Variants in STRA6 observed in about 807,000 individuals in gnomAD.
STRA6 encodes signaling receptor and transporter of retinol STRA6.
STRA6 carries 48 observed loss-of-function variants against 83.6 expected under a neutral mutation model. The observed-to-expected ratio is 0.57, with a 90% CI of 0.46 to 0.73. The LOEUF is 0.73. Among genes scored for constraint, STRA6 ranks in the 30% least tolerant of loss-of-function variants. STRA6 has a pLI of 0.00. For synonymous variants in STRA6, 353 were observed against 362.3 expected, an observed-to-expected ratio of 0.97 and a Z score of 0.29; for missense variants, 760 against 838.8, an observed-to-expected ratio of 0.91 and a Z score of 1.16.
chr15:74,182,601 C>A, intron 14 of STRA6, 141 bp from the exon 15 acceptor site: 1 of 672,712 alleles, frequency 1.5e-6, no homozygotes, highest in Admixed American at 2.4e-5. Flanking sequence ...AGCTATGCTG[C>A]CTTGAACAAA....
upstream of STRA6, among the ~76,000 whole-genome samples, chr15:74,205,189 A>G (rs2074232764): frequency 6.6e-6 from 1 of 152,126 alleles, no homozygotes; most frequent in Non-Finnish European, 1.5e-5. Flanking sequence ...TGTGTTGCTG[A>G]TACCAGAGGG....
In STRA6 at chr15:74,195,485, G is replaced by A; in HGVS notation, c.431-17C>T. The A allele has an allele frequency of 6.2e-7, 1 of 1,611,982 alleles. No individual in the cohort carries two copies. Among genetic ancestry groups the A allele is most frequent in the Non-Finnish European group, 8.5e-7 (1 of 1,179,466 alleles). Reference sequence around the variant, plus strand: ...TCCAGGCCCCTGGAAGGTGAAACAAGCAGAGAGACCCATGCTGGAGGGGCA... The same window carrying A: ...TCCAGGCCCCTGGAAGGTGAAACAAACAGAGAGACCCATGCTGGAGGGGCA... On this transcript the variant is annotated splice_polypyrimidine_tract_variant and intron_variant, in intron 6 of 18. Coordinates refer to ENST00000395105, the MANE Select transcript of STRA6 (RefSeq NM_022369.4).
chr15:74,209,020 G>A (rs145736791), exon 1 of STRA6: 257 of 1,105,044 alleles, frequency 2.3e-4, no homozygotes, highest in Non-Finnish European at 2.7e-4. Context: ...GCTTTAAAAG[G>A]TGTTTGATCT....
upstream of STRA6, among the ~76,000 whole-genome samples, chr15:74,206,757 G>A (rs2074270052): frequency 6.6e-6 from 1 of 152,242 alleles, no homozygotes; most frequent in Admixed American, 6.5e-5. Context: ...GAATTGACAC[G>A]TGTCTCAGGA....
intron 2 of STRA6, among the ~76,000 whole-genome samples, chr15:74,199,425 G>A (rs1289820162): frequency 8.5e-6 from 1 of 117,728 alleles, no homozygotes; most frequent in Non-Finnish European, 2.2e-5. Flanking sequence ...TCCAGTGTCA[G>A]CTCCCCACCT....
rs377511262 is a variant in STRA6, at chr15:74,180,945, G to T, written c.1685-8C>A. On this transcript the variant is annotated splice_polypyrimidine_tract_variant and splice_region_variant and intron_variant, in intron 17 of 18. Coordinates refer to ENST00000395105, the MANE Select transcript of STRA6 (RefSeq NM_022369.4). ...TTCGGTACGTGTAGTAGCCTGGGGT[G>T]GGGTGGCGGATGGCAATGCTGGGGG... 2.5e-6 allele frequency: 4 copies of T among 1,613,414 alleles called. No homozygotes were observed. The South Asian group carries it at 3.3e-5, about 13-fold the overall frequency.
In STRA6 at chr15:74,180,813, C is replaced by G. The variant is rs1251850348; in HGVS notation, c.1809G>C (p.Gln603His). The change falls in exon 18 of 19, where the codon CAG becomes CAC. Residue 603 changes from glutamine (Q) to histidine (H), a missense_variant. Coordinates refer to ENST00000395105, the MANE Select transcript of STRA6 (RefSeq NM_022369.4). ...CTTCCTCCCCTGGTCTGAGGCTGTC[C>G]TGGGGGGCTGCCATGGTCCTGGGTA... ...SLLPRTMAAP[Q>H]DSLRPGEEDE... The G allele has an allele frequency of 3.7e-6, 6 of 1,613,384 alleles. No individual in the cohort carries two copies. Among genetic ancestry groups the G allele is most frequent in the Non-Finnish European group, 4.2e-6 (5 of 1,179,460 alleles).
chr15:74,198,001 C>T, intron 2 of STRA6, 183 bp from the exon 3 acceptor site: 1 of 671,720 alleles, frequency 1.5e-6, no homozygotes, highest in Non-Finnish European at 2.7e-6. Context: ...CCTCGTGTCC[C>T]TGTGATGTGC....
At chr15:74,201,069 A>G (rs1032922300) in intron 2 of STRA6, among the ~76,000 whole-genome samples, 16 of 152,204 alleles carry the variant, frequency 1.1e-4, no homozygotes, top group African/African-American at 3.9e-4. Flanking sequence ...TCAGTCAGGC[A>G]AGATGAGTGG....
chr15:74,197,346 G>A lies in STRA6; in HGVS notation c.258C>T (p.Gly86=), dbSNP rs779286611. 6.5e-7 allele frequency: 1 copy of A among 1,550,028 alleles called. No individual in the cohort carries two copies. The highest frequency in any genetic ancestry group is 8.7e-7 in the Non-Finnish European group (1 of 1,146,630). ...LWPDCVRGRP[G]LPSPVDFLAG... ...CAGGCCATGGTACAAACCTGGGCAG[G>A]CCGGGCCTGCCACGCACACAGTCAG... Residue 86 remains glycine, a synonymous_variant, in exon 4 of 19, where the codon GGC becomes GGT. Coordinates refer to ENST00000395105, the MANE Select transcript of STRA6 (RefSeq NM_022369.4).
chr15:74,181,012 ACACACAGGGAGTGCACGTG>A (rs2072953274), intron 17 of STRA6, 75 bp from the exon 18 acceptor site: 2 of 1,588,602 alleles, frequency 1.3e-6, no homozygotes, highest in Admixed American at 1.7e-5. Context: ...CCCCTAACAC[ACACACAGGGAGTGCACGTG>A]CACTCCCTGC....
chr15:74,211,494 G>T (rs902242774), upstream of STRA6, among the ~76,000 whole-genome samples: 2 of 149,416 alleles, frequency 1.3e-5, no homozygotes, highest in African/African-American at 4.9e-5. Flanking sequence ...TCCGCCTCCT[G>T]GGTTCAAGCG....
chr15:74,199,738 G>T (rs1439447916), intron 2 of STRA6, among the ~76,000 whole-genome samples: 1 of 152,160 alleles, frequency 6.6e-6, no homozygotes, highest in Non-Finnish European at 1.5e-5. Flanking sequence ...GCATAGAAAT[G>T]AGCAAATATT....
rs2142060953 is a variant in STRA6 at position 74,197,441 on chromosome 15, A to T, written c.181-18T>A. ...ACAAGGATCTGAAAGGAGAGTGCAG[A>T]GGAGGGCTTGGGGTGCCCAGGCCTC... On this transcript the variant is annotated intron_variant, in intron 3 of 18. Coordinates refer to ENST00000395105, the MANE Select transcript of STRA6 (RefSeq NM_022369.4). 3.2e-6 allele frequency: 5 copies of T among 1,548,504 alleles called. No individual in the cohort carries two copies. Among genetic ancestry groups the T allele is most frequent in the Non-Finnish European group, 4.4e-6 (5 of 1,145,286 alleles).
chr15:74,195,106 C>T (rs183050657), intron 7 of STRA6, 196 bp downstream of exon 7: 6 of 1,478,552 alleles, frequency 4.1e-6, no homozygotes, highest in Non-Finnish European at 5.4e-6. Flanking sequence ...GGGCTGGGCC[C>T]AGCCACCTTG....
intron 6 of STRA6, 72 bp from the exon 7 acceptor site, chr15:74,195,540 G>T (rs2073771590): frequency 6.3e-7 from 1 of 1,588,126 alleles, no homozygotes; most frequent in African/African-American, 1.3e-5. Flanking sequence ...GCCCACCCAG[G>T]CCTCTCTTCG....
chr15:74,194,202 C>G (rs1045758672), intron 7 of STRA6, among the ~76,000 whole-genome samples: 1 of 152,200 alleles, frequency 6.6e-6, no homozygotes, highest in Non-Finnish European at 1.5e-5. Flanking sequence ...CTCCTGCCCC[C>G]CACTGGAAAG....
Position 74,195,312 on chromosome 15 carries a change from T to TGG in STRA6, c.585_586dup (p.Gln196ProfsTer25), listed in dbSNP as rs879733248. On this transcript the variant is annotated frameshift_variant, in exon 7 of 19. Transcript: ENST00000395105. LOFTEE classifies it high-confidence loss of function. ...GTGATCAGCGGTTACCTTGGGCACC[T>TGG]GGGGACACTCTGCCCTCTGCCAGAC... is the stretch of plus-strand genomic sequence containing the variant. 6.6e-5 allele frequency: 106 copies of TGG among 1,612,488 alleles called. No individual in the cohort carries two copies. Among genetic ancestry groups the TGG allele is most frequent in the Non-Finnish European group, 8.9e-5 (105 of 1,179,900 alleles).
chr15:74,208,951 A>G, exon 1 of STRA6: 1 of 1,000,522 alleles, frequency 1.0e-6, no homozygotes, highest in Non-Finnish European at 1.2e-6. Context: ...CTGGGATCCT[A>G]GAGGGGTGGC....
Sources: gnomAD v4.1 joint callset for allele counts (sites outside exome capture counted in the v4.1 genomes callset) on GRCh38, gnomAD v4.1.1 for gene constraint, MANE v1.5 for transcripts, NCBI Gene and HGNC (gene_info 2026-07-23, HGNC 2026-07-21) for gene names.